Variants in GPR143 observed in about 807,000 individuals in gnomAD.
GPR143 encodes the protein G protein-coupled receptor 143, also known as G-protein coupled receptor 143.
Under a neutral mutation model 27.6 loss-of-function variants are expected in GPR143, and 8 were observed. The observed-to-expected ratio is 0.29, with a 90% CI of 0.17 to 0.52. GPR143 has a LOEUF of 0.52. Ranked by LOEUF, GPR143 falls within the 20% of genes least tolerant of loss-of-function variation. GPR143 has a pLI of 0.96. For synonymous variants in GPR143, 156 were observed against 153.2 expected, an observed-to-expected ratio of 1.02 and a Z score of -0.13; for missense variants, 303 against 343.1, an observed-to-expected ratio of 0.88 and a Z score of 0.92.
chrX:9,775,415 A>G (rs1252797388), intron 1 of GPR143, among the ~76,000 whole-genome samples: 1 of 111,932 alleles, frequency 8.9e-6, no homozygotes, highest in Non-Finnish European at 1.9e-5. Context: ...GTGTACTGAG[A>G]AGAGGAAAGT....
chrX:9,753,819 T>C (rs746639333), intron 3 of GPR143, among the ~76,000 whole-genome samples: 1 of 112,226 alleles, frequency 8.9e-6, no homozygotes, highest in South Asian at 3.7e-4. Context: ...AGGCTGTCTC[T>C]GCAGAAACAG....
chrX:9,765,937 C>T (rs1160608445), upstream of GPR143: 14 of 720,986 alleles, frequency 1.9e-5, no homozygotes, highest in Non-Finnish European at 2.5e-5. Flanking sequence ...CCCCAACCCC[C>T]AGCGCCTGCA....
intron 1 of GPR143, 112 bp downstream of exon 1, chrX:9,765,456 T>G (rs1362079564): frequency 2.7e-6 from 2 of 727,506 alleles, no homozygotes; most frequent in Non-Finnish European, 3.5e-6. Flanking sequence ...CAGGTCCAAA[T>G]CCACAGGCCG....
intron 3 of GPR143, among the ~76,000 whole-genome samples, chrX:9,751,499 G>T (rs746409407): frequency 8.9e-6 from 1 of 112,506 alleles, no homozygotes; most frequent in Admixed American, 9.4e-5. Context: ...CACGTGCGAA[G>T]GTAATATCGA....
At chrX:9,772,288 T>C (rs1740779161) in intron 1 of GPR143, among the ~76,000 whole-genome samples, 1 of 111,688 alleles carries the variant, frequency 9.0e-6, no homozygotes, top group Admixed American at 9.6e-5. Context: ...GAAGCCAGTA[T>C]TGTGATAAAC....
intron 8 of GPR143, among the ~76,000 whole-genome samples, chrX:9,738,865 C>T (rs757576178): frequency 1.3e-4 from 14 of 111,935 alleles, no homozygotes; most frequent in East Asian, 2.8e-4. Flanking sequence ...TCAGGTGATC[C>T]GCCCACCTTG....
Position 9,741,428 on chromosome X carries a change from G to T in GPR143, c.795C>A (p.Ser265Arg). Residue 265 changes from serine to arginine, a missense_variant, in exon 7 of 9, where the codon AGC (serine) becomes AGA (arginine). Transcript: ENST00000467482. ...ICWLSNIINE[S>R]LLFYLEMQTD... ...TTTGCATCTCAAGATAGAATAAAAGGCTTTCATTGATGATATTCGACAACC... is the reference window on the plus strand; with the variant it reads ...TTTGCATCTCAAGATAGAATAAAAGTCTTTCATTGATGATATTCGACAACC... The T allele has an allele frequency of 8.9e-7, 1 of 1,127,378 alleles. No individual in the cohort carries two copies. The highest frequency in any genetic ancestry group is 1.2e-6 in the Non-Finnish European group (1 of 819,219). 92.9% of individuals were successfully genotyped at this position (1,127,378 alleles called of 1,213,427 possible). A position where few individuals can be genotyped will look rare whatever the true frequency, so the allele number is the denominator to read the frequency against.
rs962786791 is a variant in GPR143 at position 9,763,338 on chromosome X, T to C, written c.250+2230A>G. ...AAAAAATAATGCAAAAATTAGCCAGTGTGGTGATGCATGCCTGTAGTTCCA... is the reference window on the plus strand; with the variant it reads ...AAAAAATAATGCAAAAATTAGCCAGCGTGGTGATGCATGCCTGTAGTTCCA... On this transcript the variant is annotated intron_variant, in intron 1 of 8. Transcript: ENST00000467482. Among the ~76,000 whole-genome samples the C allele has an allele frequency of 4.5e-5, 5 of 110,346 alleles. No individual in the cohort carries two copies. The South Asian group carries it at 1.2e-3, about 26-fold the overall frequency.
At chrX:9,772,357 T>C (rs2083557493) in intron 1 of GPR143, among the ~76,000 whole-genome samples, 1 of 111,741 alleles carries the variant, frequency 8.9e-6, no homozygotes, top group Admixed American at 9.6e-5. Context: ...GACCTATCCA[T>C]GGCTAACCTC....
chrX:9,743,819 C>T lies in GPR143; in HGVS notation c.659-146G>A, dbSNP rs139817241. ...AGTCACTGACATTCATTCCTCACAA[C>T]TTCCAGGTTGGAGTCCTCATAGACC... On this transcript the variant is annotated intron_variant, in intron 5 of 8. Coordinates refer to ENST00000467482, the MANE Select transcript of GPR143 (RefSeq NM_000273.3). The T allele has an allele frequency of 1.9e-3, 967 of 507,442 alleles. 6 individuals are homozygous for T. In the African/African-American group the frequency reaches 0.02, roughly 11 times the overall value. The allele number at this position is 507,442 out of a possible 1,213,427, so 41.8% of individuals were successfully genotyped here. A position where few individuals can be genotyped will look rare whatever the true frequency, so the allele number is the denominator to read the frequency against.
chrX:9,749,226 TC>T (rs1315734826), intron 3 of GPR143, among the ~76,000 whole-genome samples: 627 of 73,044 alleles, frequency 8.6e-3, no homozygotes, highest in Admixed American at 0.014. Context: ...GGGATTTCCC[TC>T]CCCCCCCAAC....
At chrX:9,764,571 T>C (rs192498711) in intron 1 of GPR143, among the ~76,000 whole-genome samples, 40 of 110,110 alleles carry the variant, frequency 3.6e-4, no homozygotes, top group Non-Finnish European at 1.9e-4. Flanking sequence ...AGTTAATTGT[T>C]AGTCTCTCCC....
chrX:9,749,229 C>CCT (rs2083441436), intron 3 of GPR143, among the ~76,000 whole-genome samples: 1 of 97,780 alleles, frequency 1.0e-5, no homozygotes, highest in African/African-American at 4.8e-5. Context: ...ATTTCCCTCC[C>CCT]CCCCCAACCC....
intron 8 of GPR143, among the ~76,000 whole-genome samples, chrX:9,731,801 G>T (rs11095518): frequency 1.1e-5 from 1 of 93,448 alleles, no homozygotes; most frequent in Non-Finnish European, 2.1e-5. Flanking sequence ...AGGAATTGGG[G>T]GGGGGGGGAA....
chrX:9,759,820 A>G (rs1018781423), intron 2 of GPR143, among the ~76,000 whole-genome samples: 118 of 111,696 alleles, frequency 1.1e-3, no homozygotes, highest in African/African-American at 3.7e-3. Context: ...CTCCAGTGTT[A>G]GAAACGACAC....
At chrX:9,742,337 T>C in intron 6 of GPR143, among the ~76,000 whole-genome samples, 1 of 111,413 alleles carries the variant, frequency 9.0e-6, no homozygotes. Flanking sequence ...GGCATGATCA[T>C]AGCTCACTGT....
intron 3 of GPR143, among the ~76,000 whole-genome samples, chrX:9,756,078 T>C (rs1194358088): frequency 8.9e-6 from 1 of 112,210 alleles, no homozygotes; most frequent in Non-Finnish European, 1.9e-5. Flanking sequence ...GGAATGTCAA[T>C]GATTTTAGAG....
At chrX:9,746,377 G>A (rs1038542226) in intron 4 of GPR143, among the ~76,000 whole-genome samples, 1 of 111,045 alleles carries the variant, frequency 9.0e-6, no homozygotes, top group African/African-American at 3.3e-5. Context: ...AGAAATGGGA[G>A]GACCCCTAAG....
chrX:9,749,400 T>A (rs899484823), intron 3 of GPR143, among the ~76,000 whole-genome samples: 2 of 111,278 alleles, frequency 1.8e-5, no homozygotes, highest in African/African-American at 6.5e-5. Context: ...CAGTTCTTCA[T>A]AGCAGTGTGA....
Sources: allele counts gnomAD v4.1 joint callset (sites outside exome capture counted in the v4.1 genomes callset), GRCh38; gene constraint gnomAD v4.1.1; transcripts MANE v1.5; gene names NCBI Gene and HGNC (gene_info 2026-07-23, HGNC 2026-07-21).